The following TIMD4 variants were observed in gnomAD, a reference collection of about 807,000 sequenced individuals.
TIMD4 encodes the protein T cell immunoglobulin and mucin domain containing 4.
In TIMD4, 31 loss-of-function variants were observed where a neutral mutation model predicts 41.2. The ratio of observed to expected loss-of-function variants is 0.75; its 90% CI spans 0.57 to 1.01. The LOEUF (loss-of-function observed/expected upper bound fraction) is 1.01. Among genes scored for constraint, TIMD4 ranks in the 50% least tolerant of loss-of-function variants. The pLI is 0.00. For missense variants in TIMD4, 479 were observed against 472.5 expected (o/e 1.01, Z -0.13); for synonymous variants, 204 against 177.1 (o/e 1.15, Z -1.21).
At chr5:156,953,856 G>A (rs115247245) in intron 2 of TIMD4, among the ~76,000 whole-genome samples, 24 of 152,088 alleles carry the variant, frequency 1.6e-4, no homozygotes, top group African/African-American at 5.1e-4. Flanking sequence ...TCAACCATAC[G>A]CTCAATGCAG....
intron 5 of TIMD4, among the ~76,000 whole-genome samples, chr5:156,929,282 A>G (rs1221445285): frequency 1.3e-5 from 2 of 152,162 alleles, no homozygotes; most frequent in South Asian, 2.1e-4. Context: ...ACACATGTAC[A>G]TTGAGACAAA....
chr5:156,958,339 G>C (rs1219557518), intron 1 of TIMD4, among the ~76,000 whole-genome samples: 1 of 125,498 alleles, frequency 8.0e-6, no homozygotes, highest in Non-Finnish European at 1.6e-5. Context: ...GAAAGGAAAG[G>C]AAAGGAAAGG....
intron 1 of TIMD4, among the ~76,000 whole-genome samples, chr5:156,957,527 AAAAAG>A: frequency 6.6e-6 from 1 of 151,414 alleles, no homozygotes; most frequent in African/African-American, 2.4e-5. Flanking sequence ...AAAAAAAAGA[AAAAAG>A]AAAAAGAAAA....
intron 5 of TIMD4, among the ~76,000 whole-genome samples, chr5:156,928,782 T>A (rs894795824): frequency 6.6e-6 from 1 of 152,228 alleles, no homozygotes; most frequent in Non-Finnish European, 1.5e-5. Context: ...AAGTTATTGT[T>A]GTTTTTCTCT....
intron 5 of TIMD4, chr5:156,935,745 A>G (rs1759526806): frequency 6.6e-6 from 1 of 152,200 alleles, no homozygotes; most frequent in African/African-American, 2.4e-5. Flanking sequence ...AATCTCATCA[A>G]CCTTGAGACA....
At chr5:156,960,485 C>A (rs1215311268) in intron 1 of TIMD4, among the ~76,000 whole-genome samples, 1 of 149,758 alleles carries the variant, frequency 6.7e-6, no homozygotes, top group Non-Finnish European at 1.5e-5. Context: ...CGGCTCACTG[C>A]AACCTCTGCC....
Position 156,919,433 on chromosome 5 carries a change from T to A in TIMD4, c.*24A>T. On this transcript the variant is annotated 3_prime_UTR_variant, in exon 9 of 9. Coordinates refer to ENST00000274532, the MANE Select transcript of TIMD4 (RefSeq NM_138379.3). Reference sequence around the variant, plus strand: ...ACACTGGAGTGTCATGCCCCCATCCTCAATCTAACATGCTACTGCGTTGTT... The same window carrying A: ...ACACTGGAGTGTCATGCCCCCATCCACAATCTAACATGCTACTGCGTTGTT... 6.2e-7 allele frequency: 1 copy of A among 1,606,552 alleles called. No homozygotes were observed. Among genetic ancestry groups the A allele is most frequent in the Non-Finnish European group, 8.5e-7 (1 of 1,173,316 alleles).
chr5:156,962,367 A>G (rs559697975), intron 1 of TIMD4, among the ~76,000 whole-genome samples: 1 of 152,058 alleles, frequency 6.6e-6, no homozygotes, highest in African/African-American at 2.4e-5. Context: ...AAAATAACAC[A>G]TATGTAGCCC....
intron 1 of TIMD4, among the ~76,000 whole-genome samples, chr5:156,956,144 C>G (rs1354621324): frequency 1.3e-5 from 2 of 152,136 alleles, no homozygotes; most frequent in Admixed American, 6.5e-5. Context: ...CCCACTCACC[C>G]ACCCCCCAGC....
At chr5:156,922,848 T>C (rs984859365) in intron 6 of TIMD4, among the ~76,000 whole-genome samples, 2 of 152,172 alleles carry the variant, frequency 1.3e-5, no homozygotes, top group Admixed American at 6.5e-5. Flanking sequence ...TGTAAAACAA[T>C]GCCATATTTC....
At chr5:156,947,092 G>A (rs1457036605) in intron 5 of TIMD4, among the ~76,000 whole-genome samples, 1 of 152,002 alleles carries the variant, frequency 6.6e-6, no homozygotes, top group African/African-American at 2.4e-5. Flanking sequence ...CAGCTACTCA[G>A]AAGGCTAAGG....
chr5:156,920,500 T>C lies in TIMD4; in HGVS notation c.1016A>G (p.Lys339Arg). ...CTGCGAACAATAGGTTTCCATGAGT[T>C]TCCCTGAAAAGACAAGGCCACAGTG... ...ALFVAFLLRG[K>R]LMETYCSQKH... Residue 339 changes from lysine to arginine, a missense_variant, in exon 8 of 9, where the codon AAA becomes AGA. Coordinates refer to ENST00000274532, the MANE Select transcript of TIMD4 (RefSeq NM_138379.3). The C allele has an allele frequency of 6.2e-7, 1 of 1,614,058 alleles. No homozygotes were observed. The highest frequency in any genetic ancestry group is 8.5e-7 in the Non-Finnish European group (1 of 1,179,932).
At chr5:156,937,731 C>T (rs910328912) in intron 5 of TIMD4, among the ~76,000 whole-genome samples, 2 of 152,134 alleles carry the variant, frequency 1.3e-5, no homozygotes, top group African/African-American at 4.8e-5. Flanking sequence ...GATTCAATTC[C>T]AATGTTATTA....
At chr5:156,960,333 T>A (rs1350991565) in intron 1 of TIMD4, among the ~76,000 whole-genome samples, 2 of 150,806 alleles carry the variant, frequency 1.3e-5, no homozygotes, top group Non-Finnish European at 3.0e-5. Flanking sequence ...AACAAACCCA[T>A]ACCAAACCCA....
intron 5 of TIMD4, among the ~76,000 whole-genome samples, chr5:156,942,264 T>C (rs1196177945): frequency 6.6e-6 from 1 of 152,190 alleles, no homozygotes; most frequent in Non-Finnish European, 1.5e-5. Context: ...GGAACCTGCC[T>C]TCAAGAAAGC....
chr5:156,921,965 G>C, intron 7 of TIMD4, 134 bp downstream of exon 7: 2 of 640,570 alleles, frequency 3.1e-6, no homozygotes, highest in Non-Finnish European at 5.3e-6. Flanking sequence ...TTACTTCCCT[G>C]GCTGGGATGG....
At chr5:156,956,424 A>G (rs1023849937) in intron 1 of TIMD4, among the ~76,000 whole-genome samples, 4 of 152,212 alleles carry the variant, frequency 2.6e-5, no homozygotes, top group African/African-American at 9.6e-5. Context: ...AGTGTGTTTT[A>G]ACCACTTCTC....
intron 1 of TIMD4, among the ~76,000 whole-genome samples, chr5:156,957,661 A>T (rs1230404881): frequency 6.6e-6 from 1 of 152,000 alleles, no homozygotes; most frequent in East Asian, 1.9e-4. Flanking sequence ...TAAAATTAAT[A>T]ACTACTAAAA....
At chr5:156,934,359 T>C (rs930770924) in intron 5 of TIMD4, among the ~76,000 whole-genome samples, 1 of 152,170 alleles carries the variant, frequency 6.6e-6, no homozygotes, top group African/African-American at 2.4e-5. Flanking sequence ...CACGGTATCC[T>C]CCCACCTCAC....
Sources: gnomAD v4.1 joint callset for allele counts (sites outside exome capture counted in the v4.1 genomes callset) on GRCh38, gnomAD v4.1.1 for gene constraint, MANE v1.5 for transcripts, NCBI Gene and HGNC (gene_info 2026-07-23, HGNC 2026-07-21) for gene names.